ANKRD13A: variants seen among roughly 807,000 people sequenced by gnomAD.
ANKRD13A encodes ankyrin repeat domain 13A, also known as ankyrin repeat domain-containing protein 13A.
Under a neutral mutation model 81.3 loss-of-function variants are expected in ANKRD13A, and 48 were observed. That is an observed-to-expected ratio of 0.59 (90% CI 0.47 to 0.75). ANKRD13A has a LOEUF of 0.75. Among genes scored for constraint, ANKRD13A ranks in the 30% least tolerant of loss-of-function variants. The pLI is 0.00. For missense variants in ANKRD13A, 612 were observed against 734.0 expected, an observed-to-expected ratio of 0.83 and a Z score of 1.92; for synonymous variants, 230 against 270.1, an observed-to-expected ratio of 0.85 and a Z score of 1.45.
chr12:110,027,829 G>T (rs1255053600), intron 9 of ANKRD13A, 63 bp downstream of exon 9: 1 of 1,562,572 alleles, frequency 6.4e-7, no homozygotes, highest in Non-Finnish European at 8.8e-7. Flanking sequence ...TCTGTGTCTG[G>T]GATGGCATTT....
At chr12:110,025,709 G>T in intron 7 of ANKRD13A, 33 bp from the exon 8 acceptor site, 1 of 1,541,526 alleles carries the variant, frequency 6.5e-7, no homozygotes, top group Non-Finnish European at 8.9e-7. Context: ...TTGATTCCCT[G>T]TGTCACTGTT....
Position 110,013,111 on chromosome 12 carries a change from C to T in ANKRD13A, c.230-14C>T, listed in dbSNP as rs1467145658. ...GAAAGTATGAGAATTAAATTTCACC[C>T]TTTTGTTTTCTAGTTTTACATGAGG... On this transcript the variant is annotated splice_polypyrimidine_tract_variant and intron_variant, in intron 2 of 14. Transcript: ENST00000261739. 2.5e-6 allele frequency: 4 copies of T among 1,612,010 alleles called. No homozygotes were observed. In the East Asian group the frequency reaches 6.7e-5, roughly 27 times the overall value.
rs781431177 is a variant in ANKRD13A at position 110,027,764 on chromosome 12, G to A, written c.943G>A (p.Gly315Arg). The change falls in exon 9 of 15, where the codon GGG becomes AGG. Residue 315 changes from glycine (G) to arginine (R), a missense_variant and splice_region_variant. Physicochemically the swap from Gly to Arg is moderately radical, Grantham distance 125. Transcript: ENST00000261739. ...GTVEHQFGAQ[G>R]DLTTECATAN... ...TGTGGAACACCAATTTGGTGCACAA[G>A]GGGTAAGTTGAAGCAATGAGCTTTC... is the stretch of plus-strand genomic sequence containing the variant. 1.9e-6 allele frequency: 3 copies of A among 1,614,042 alleles called. No individual in the cohort carries two copies. The highest frequency in any genetic ancestry group is 1.1e-5 in the South Asian group (1 of 91,088).
intron 1 of ANKRD13A, among the ~76,000 whole-genome samples, chr12:110,003,516 T>C (rs955563921): frequency 2.6e-5 from 4 of 152,102 alleles, no homozygotes; most frequent in Non-Finnish European, 5.9e-5. Flanking sequence ...AGGACCAGGA[T>C]GGTCTGAGAG....
chr12:110,032,524 T>C (rs1054295756), intron 12 of ANKRD13A: 9 of 152,092 alleles, frequency 5.9e-5, no homozygotes, highest in Admixed American at 2.0e-4. Flanking sequence ...GAAGAGGAGA[T>C]TGGTATAGTT....
intron 2 of ANKRD13A, 139 bp downstream of exon 2, chr12:110,012,276 G>A: frequency 7.2e-6 from 7 of 978,616 alleles, no homozygotes; most frequent in Non-Finnish European, 1.0e-5. Flanking sequence ...GAGGGGGTAG[G>A]ATCACCTGAG....
rs1046224926 is a variant in ANKRD13A, at chr12:110,019,439, A to G, written c.734+111A>G. The G allele has an allele frequency of 5.8e-6, 6 of 1,042,790 alleles. No individual in the cohort carries two copies. The Admixed American group carries it at 9.2e-5, about 16-fold the overall frequency. The allele number at this position is 1,042,790 out of a possible 1,614,324, so 64.6% of individuals were successfully genotyped here. ...TGGATTGGGCTTTTTCTAATATGACATAATAAACACTAGTGGGTTTTAAGA... is the reference window on the plus strand; with the variant it reads ...TGGATTGGGCTTTTTCTAATATGACGTAATAAACACTAGTGGGTTTTAAGA... On this transcript the variant is annotated intron_variant, in intron 6 of 14. Coordinates refer to ENST00000261739, the MANE Select transcript of ANKRD13A (RefSeq NM_033121.2).
rs777424498 is a variant in ANKRD13A at position 110,024,023 on chromosome 12, T to C, written c.735-23T>C. On this transcript the variant is annotated intron_variant, in intron 6 of 14. Transcript: ENST00000261739. ...AATGGCATATTGTACATGTAGAAAT[T>C]TGTGGTGTTCACTTTTTATCAGAAC... The C allele has an allele frequency of 2.3e-5, 37 of 1,609,398 alleles. No individual in the cohort carries two copies. The African/African-American group carries it at 4.4e-4, about 19-fold the overall frequency.
At position 110,039,152 on chromosome 12, in the gene ANKRD13A, T is replaced by C. The variant is rs188868170; in HGVS notation, c.*1598T>C. The C allele has an allele frequency of 3.3e-5, 5 of 152,202 alleles. No homozygotes were observed. Among genetic ancestry groups the C allele is most frequent in the Admixed American group, 3.3e-4 (5 of 15,268 alleles). The allele number at this position is 152,202 out of a possible 1,614,324, so 9.4% of individuals were successfully genotyped here. On this transcript the variant is annotated 3_prime_UTR_variant, in exon 15 of 15. Transcript: ENST00000261739. ...CAACGTCACATTTGTTTGTTTCAAA[T>C]ATGCAGTGTGGTATTTTGTTTACTT...
In ANKRD13A at chr12:110,019,293, C is replaced by T. The variant is rs763280451; in HGVS notation, c.699C>T (p.Asn233=). 1.2e-6 allele frequency: 2 copies of T among 1,612,346 alleles called. No homozygotes were observed. Among genetic ancestry groups the T allele is most frequent in the Non-Finnish European group, 1.7e-6 (2 of 1,179,042 alleles). Residue 233 remains asparagine (N), a synonymous_variant, in exon 6 of 15, where the codon AAC becomes AAT. Transcript: ENST00000261739. The stretch of plus-strand genomic sequence containing the variant: ...GGCGGCTCACAAGCCCTGTCATTAA[C>T]ACCAGCCTCGATACTAAAAATATTG... ...VERRLTSPVI[N]TSLDTKNIAF...
chr12:109,999,248 G>A (rs1889806571), upstream of ANKRD13A: 1 of 153,244 alleles, frequency 6.5e-6, no homozygotes, highest in Non-Finnish European at 1.4e-5. The surrounding 1 kb of genome is among the most constrained non-coding windows in gnomAD (Gnocchi z 4.3). Context: ...TCCGCGTGGA[G>A]ATCTTTGGCC....
chr12:110,030,707 A>T lies in ANKRD13A; in HGVS notation c.1297A>T (p.Thr433Ser). The change falls in exon 12 of 15, where the codon ACT becomes TCT. Residue 433 changes from threonine (T) to serine (S), a missense_variant. Thr to Ser is a moderately conservative substitution (Grantham distance 58, BLOSUM62 1). Coordinates refer to ENST00000261739, the MANE Select transcript of ANKRD13A (RefSeq NM_033121.2). ...ATTTGGAAATGTTAATGGCTGTAGC[A>T]CTGCCGAAGAATCTGTATCTCAAAA... ...ITFGNVNGCS[T>S]AEESVSQNVE... 6.2e-7 allele frequency: 1 copy of T among 1,611,110 alleles called. No individual in the cohort carries two copies. Among genetic ancestry groups the T allele is most frequent in the Non-Finnish European group, 8.5e-7 (1 of 1,178,380 alleles).
chr12:110,013,697 G>A (rs1890644047), intron 3 of ANKRD13A, among the ~76,000 whole-genome samples: 1 of 152,154 alleles, frequency 6.6e-6, no homozygotes, highest in South Asian at 2.1e-4. Flanking sequence ...CTTGAACCCA[G>A]AAGGTTGAGG....
Position 110,033,933 on chromosome 12 carries a change from T to C in ANKRD13A, c.1485T>C (p.Ser495=). The C allele has an allele frequency of 1.2e-6, 2 of 1,611,164 alleles. No homozygotes were observed. The highest frequency in any genetic ancestry group is 8.5e-7 in the Non-Finnish European group (1 of 1,178,670). ...YEIMQFAIQQ[S]LLESSRSQEL... ...TAATGCAGTTTGCCATCCAGCAAAG[T>C]CTGCTGGAGTCCAGCAGGAGCCAGG... The change falls in exon 13 of 15, where the codon AGT becomes AGC. Residue 495 remains serine (S), a synonymous_variant. Transcript: ENST00000261739.
Position 110,029,631 on chromosome 12 carries a change from A to G in ANKRD13A, c.1230A>G (p.Lys410=). 1 of 1,612,866 alleles carries G rather than the reference A, an allele frequency of 6.2e-7. No homozygotes were observed. The highest frequency in any genetic ancestry group is 2.2e-5 in the East Asian group (1 of 44,826). Residue 410 remains lysine, a synonymous_variant, in exon 11 of 15, where the codon AAA becomes AAG. Transcript: ENST00000261739. The stretch of plus-strand genomic sequence containing the variant: ...AATTCCCACCTGGATTTCCTGTCAA[A>G]ATAGGTACTGCTAAATAAACTTCAG... ...KLEFPPGFPV[K]IEIPLFHVLN... is the part of the protein sequence containing the mutation.
intron 3 of ANKRD13A, 91 bp downstream of exon 3, chr12:110,013,340 A>G: frequency 6.7e-7 from 1 of 1,503,220 alleles, no homozygotes; most frequent in South Asian, 1.2e-5. Context: ...GTGCCTTCCT[A>G]AAGAGTTTTC....
rs932832216 is a variant in ANKRD13A, at chr12:110,018,918, G to A, written c.545-221G>A. Among the ~76,000 whole-genome samples, 4 of 152,126 alleles carry A rather than the reference G, an allele frequency of 2.6e-5. No individual in the cohort carries two copies. In the East Asian group the frequency reaches 5.8e-4, roughly 22 times the overall value. On this transcript the variant is annotated intron_variant, in intron 5 of 14. Coordinates refer to ENST00000261739, the MANE Select transcript of ANKRD13A (RefSeq NM_033121.2). The surrounding 1 kb of genome is among the most constrained non-coding windows in gnomAD (Gnocchi z 4.4). The stretch of plus-strand genomic sequence containing the variant: ...AATGCAGATTATTAAGAAAAATTCC[G>A]CACCTTTGGGGAAGATGGCTCAGAG...
intron 8 of ANKRD13A, among the ~76,000 whole-genome samples, chr12:110,026,341 A>G (rs906221995): frequency 6.6e-6 from 1 of 151,150 alleles, no homozygotes; most frequent in Non-Finnish European, 1.5e-5. Context: ...TGGGAGGCCA[A>G]TGTGGGCGAG....
In ANKRD13A at chr12:110,025,795, G is replaced by A; in HGVS notation, c.855G>A (p.Leu285=). The A allele has an allele frequency of 6.2e-7, 1 of 1,613,772 alleles. No individual in the cohort carries two copies. The highest frequency in any genetic ancestry group is 8.5e-7 in the Non-Finnish European group (1 of 1,179,884). ...TCACCAAAATACGCACAGAACATCT[G>A]ACCGAGGAGGAAAAAAAGAGATATA... ...NVITKIRTEH[L]TEEEKKRYKA... Residue 285 remains leucine (L), a synonymous_variant, in exon 8 of 15, where the codon CTG becomes CTA. Transcript: ENST00000261739.
Sources: allele counts gnomAD v4.1 joint callset (sites outside exome capture counted in the v4.1 genomes callset), GRCh38; gene constraint gnomAD v4.1.1; non-coding constraint Gnocchi (gnomAD v3.1); transcripts MANE v1.5; gene names NCBI Gene and HGNC (gene_info 2026-07-23, HGNC 2026-07-21).